Variants in PBLD observed in about 807,000 individuals in gnomAD.
The protein encoded by PBLD is phenazine biosynthesis like protein domain containing, also known as phenazine biosynthesis-like domain-containing protein.
Under a neutral mutation model 31.3 loss-of-function variants are expected in PBLD, and 26 were observed. The observed-to-expected ratio is 0.83, with a 90% CI of 0.61 to 1.15. PBLD has a LOEUF of 1.15. Ranked by LOEUF, PBLD falls within the 50% of genes most tolerant of loss-of-function variation. The pLI, the probability that PBLD is intolerant of heterozygous loss-of-function variation, is 0.00. For missense variants in PBLD, 307 were observed against 351.7 expected (o/e 0.87, Z 1.02); for synonymous variants, 114 against 129.0 (o/e 0.88, Z 0.79).
Position 68,323,878 on chromosome 10 carries a change from C to CA in PBLD, c.-60+8905dup, listed in dbSNP as rs2044873479. On this transcript the variant is annotated intron_variant, in intron 1 of 9. Transcript: ENST00000358769. The stretch of plus-strand genomic sequence containing the variant: ...AAATTTACTTAGCCTGAGGCCATCC[C>CA]AAAAAACTTATTTTGAAGTATAAAA... Among the ~76,000 whole-genome samples, 5 of 152,066 alleles carry CA rather than the reference C, an allele frequency of 3.3e-5. 1 individual carries two copies. The highest frequency in any genetic ancestry group is 2.6e-4 in the Admixed American group (4 of 15,258).
intron 8 of PBLD, among the ~76,000 whole-genome samples, 172 bp from the exon 9 acceptor site, chr10:68,285,582 GGAA>G (rs1212422441): frequency 1.3e-5 from 2 of 152,102 alleles, no homozygotes; most frequent in Non-Finnish European, 2.9e-5. Context: ...GAGATAAAAA[GGAA>G]GACATAGAAT....
chr10:68,319,541 G>C (rs1020420790), intron 1 of PBLD, among the ~76,000 whole-genome samples: 3 of 151,764 alleles, frequency 2.0e-5, no homozygotes, highest in Non-Finnish European at 2.9e-5. Flanking sequence ...AAATTAGCCA[G>C]GTGTGGTGGC....
At chr10:68,297,165 T>G (rs75603645) in intron 2 of PBLD, 180 bp from the exon 3 acceptor site, 1 of 604,420 alleles carries the variant, frequency 1.7e-6, no homozygotes, top group Non-Finnish European at 2.9e-6. Context: ...AAACCCATGC[T>G]TGCAGTGCCC....
intron 1 of PBLD, among the ~76,000 whole-genome samples, chr10:68,322,678 A>AG (rs942553913): frequency 1.3e-5 from 2 of 151,666 alleles, no homozygotes; most frequent in African/African-American, 4.8e-5. Flanking sequence ...AAAAAAAAAA[A>AG]GTAATGGACC....
In PBLD at chr10:68,325,239, G is replaced by A. The variant is rs117435112; in HGVS notation, c.-60+7545C>T. Among the ~76,000 whole-genome samples, 95 of 151,934 alleles carry A rather than the reference G, an allele frequency of 6.3e-4. 6 individuals carry two copies. In the East Asian group the frequency reaches 0.016, roughly 26 times the overall value. On this transcript the variant is annotated intron_variant, in intron 1 of 9. Transcript: ENST00000358769. The stretch of plus-strand genomic sequence containing the variant: ...AGACTGGGTGACAAAACAAGACTCC[G>A]TCTCAGGGAAAACAACAAAACAAAA...
chr10:68,285,536 T>G, intron 8 of PBLD, 126 bp from the exon 9 acceptor site: 1 of 1,336,248 alleles, frequency 7.5e-7, no homozygotes. Context: ...AATCATTATG[T>G]TGGCCAGGCC....
intron 4 of PBLD, among the ~76,000 whole-genome samples, chr10:68,294,633 T>C (rs2044400905): frequency 6.6e-6 from 1 of 152,224 alleles, no homozygotes; most frequent in Non-Finnish European, 1.5e-5. Flanking sequence ...CTTGAAAAAA[T>C]GTCCAGCTTT....
rs2044426568 is a variant in PBLD at position 68,296,328 on chromosome 10, C to T, written c.221G>A (p.Ser74Asn). 4 of 1,614,018 alleles carry T rather than the reference C, an allele frequency of 2.5e-6. No individual in the cohort carries two copies. The highest frequency in any genetic ancestry group is 3.4e-6 in the Non-Finnish European group (4 of 1,179,984). ...CFGLRWFTPA[S>N]EVPLCGHATL... ...GGCATGGCCACAGAGTGGGACCTCA[C>T]TCGCTGGTGTAAACCATCTCAGTCC... is the stretch of plus-strand genomic sequence containing the variant. The change falls in exon 4 of 10, where the codon AGT becomes AAT. Residue 74 changes from serine to asparagine, a missense_variant. Physicochemically the swap from Ser to Asn is conservative, Grantham distance 46. Coordinates refer to ENST00000358769, the MANE Select transcript of PBLD (RefSeq NM_022129.4).
intron 1 of PBLD, chr10:68,331,366 A>C (rs961578379): frequency 6.6e-6 from 1 of 152,318 alleles, no homozygotes; most frequent in African/African-American, 2.4e-5. Flanking sequence ...CGCGAAGGCC[A>C]GAGGAGAAAA....
chr10:68,307,600 C>T (rs543673682), intron 1 of PBLD, among the ~76,000 whole-genome samples: 37 of 151,988 alleles, frequency 2.4e-4, no homozygotes, highest in Admixed American at 6.6e-4. Context: ...CCCAGGTTCA[C>T]GCAATTCTCC....
At chr10:68,316,166 T>G (rs2044734084) in intron 1 of PBLD, among the ~76,000 whole-genome samples, 1 of 152,128 alleles carries the variant, frequency 6.6e-6, no homozygotes, top group South Asian at 2.1e-4. Flanking sequence ...TCGGGCTTAC[T>G]AGACAAGAAC....
Position 68,283,028 on chromosome 10 carries a change from G to A in PBLD, c.*1149C>T, listed in dbSNP as rs2044247951. The A allele has an allele frequency of 1.3e-5, 2 of 149,628 alleles. No individual in the cohort carries two copies. The highest frequency in any genetic ancestry group is 2.5e-5 in the African/African-American group (1 of 40,562). 9.3% of individuals were successfully genotyped at this position (149,628 alleles called of 1,614,324 possible). On this transcript the variant is annotated 3_prime_UTR_variant, in exon 10 of 10. Transcript: ENST00000358769. Reference sequence around the variant, plus strand: ...TTATCATTCTCAAGCCATATATCAAGAAAAAGATTGAAATTACATTCCTTT... The same window carrying A: ...TTATCATTCTCAAGCCATATATCAAAAAAAAGATTGAAATTACATTCCTTT...
At chr10:68,288,284 A>G (rs1416075626) in intron 8 of PBLD, 199 bp downstream of exon 8, 5 of 604,034 alleles carry the variant, frequency 8.3e-6, no homozygotes, top group Non-Finnish European at 1.4e-5. Flanking sequence ...CTCAGGTTTA[A>G]CCCTGTTATC....
chr10:68,309,810 A>C (rs1170507764), intron 1 of PBLD, among the ~76,000 whole-genome samples: 4 of 134,458 alleles, frequency 3.0e-5, no homozygotes, highest in Non-Finnish European at 5.1e-5. Context: ...CGTCTCAAAA[A>C]AAAAAAAAAA....
At chr10:68,288,686 G>A in intron 7 of PBLD, 25 bp from the exon 8 acceptor site, 1 of 1,608,178 alleles carries the variant, frequency 6.2e-7, no homozygotes, top group Non-Finnish European at 8.5e-7. Flanking sequence ...AGATGGATTA[G>A]GACAAACCCA....
intron 2 of PBLD, among the ~76,000 whole-genome samples, chr10:68,300,243 C>A (rs940530271): frequency 1.3e-5 from 2 of 152,100 alleles, no homozygotes; most frequent in Admixed American, 6.5e-5. Flanking sequence ...AGAGATAACT[C>A]ATCCCAGTGC....
intron 7 of PBLD, 34 bp downstream of exon 7, chr10:68,288,897 C>T: frequency 1.3e-6 from 2 of 1,583,456 alleles, no homozygotes; most frequent in Non-Finnish European, 1.7e-6. Context: ...GTACTCAGCC[C>T]TCCCCAAAGT....
At chr10:68,302,432 G>A (rs760814993) in intron 2 of PBLD, among the ~76,000 whole-genome samples, 9 of 152,092 alleles carry the variant, frequency 5.9e-5, no homozygotes, top group Admixed American at 3.3e-4. Context: ...TGACAGTCCC[G>A]ACTTATCAGT....
At chr10:68,287,138 G>A (rs914268206) in intron 8 of PBLD, 2 of 150,094 alleles carry the variant, frequency 1.3e-5, no homozygotes, top group Non-Finnish European at 3.0e-5. Context: ...GTTATGGGAT[G>A]TTCAAGTAAG....
Sources: gnomAD v4.1 joint callset for allele counts (sites outside exome capture counted in the v4.1 genomes callset) on GRCh38, gnomAD v4.1.1 for gene constraint, MANE v1.5 for transcripts, NCBI Gene and HGNC (gene_info 2026-07-23, HGNC 2026-07-21) for gene names.